The following CEP152 variants were observed in gnomAD, a reference collection of about 807,000 sequenced individuals.
The protein encoded by CEP152 is centrosomal protein of 152 kDa.
Under a neutral mutation model 188.9 loss-of-function variants are expected in CEP152, and 132 were observed. The observed-to-expected ratio is 0.70, with a 90% CI of 0.61 to 0.81. CEP152 has a LOEUF of 0.81. Among genes scored for constraint, CEP152 ranks in the 30% least tolerant of loss-of-function variants. CEP152 has a pLI of 0.00. For missense variants in CEP152, 1,914 were observed against 1,969.8 expected (o/e 0.97, Z 0.54); for synonymous variants, 649 against 666.6 (o/e 0.97, Z 0.41).
In CEP152 at chr15:48,738,447, C is replaced by G; in HGVS notation, c.4935G>C (p.Thr1645=). Residue 1645 remains threonine, a synonymous_variant, in exon 27 of 27, where the codon ACG becomes ACC. Coordinates refer to ENST00000380950, the MANE Select transcript of CEP152 (RefSeq NM_001194998.2). ...CACTGATCTTTCCTGGCTCCAAATA[C>G]GTGGTTTCTTCTGACAGGTATGGAG... The part of the protein sequence containing the change: ...YQTPYLSEET[T]YLEPGKISVN... 1 of 1,614,182 alleles carries G rather than the reference C, an allele frequency of 6.2e-7. No homozygotes were observed. The highest frequency in any genetic ancestry group is 8.5e-7 in the Non-Finnish European group (1 of 1,180,018).
At position 48,741,948 on chromosome 15, in the gene CEP152, C is replaced by T; in HGVS notation, c.3988G>A (p.Gly1330Arg). 1 of 1,614,164 alleles carries T rather than the reference C, an allele frequency of 6.2e-7. No homozygotes were observed. The highest frequency in any genetic ancestry group is 8.5e-7 in the Non-Finnish European group (1 of 1,180,012). The change falls in exon 25 of 27, where the codon GGG becomes AGG. Residue 1330 changes from glycine (G) to arginine (R), a missense_variant and splice_region_variant. Transcript: ENST00000380950. ...ACACATTGTTCAGACTGAACTCACC[C>T]TTCTTTTCCATCATCCTGCAAAATC... ...QQILQDDGKE[G>R]AEKKIMNAAS...
In CEP152 at chr15:48,772,621, C is replaced by G. The variant is rs746242658; in HGVS notation, c.1648G>C (p.Val550Leu). 4.3e-6 allele frequency: 7 copies of G among 1,614,008 alleles called. No homozygotes were observed. The highest frequency in any genetic ancestry group is 1.7e-5 in the Admixed American group (1 of 60,004). Residue 550 changes from valine to leucine, a missense_variant, in exon 13 of 27, where the codon GTA (valine) becomes CTA (leucine). By Grantham distance (32) the Val-to-Leu change is conservative. Transcript: ENST00000380950. Reference sequence around the variant, plus strand: ...GAGTTGCTACCCAGCAAACGCTGTACTTCTGCCTTTAACTTCAGAATGAAC... The same window carrying G: ...GAGTTGCTACCCAGCAAACGCTGTAGTTCTGCCTTTAACTTCAGAATGAAC... ...DEFILKLKAE[V>L]QRLLGSNSMK...
Position 48,748,486 on chromosome 15 carries a change from C to T in CEP152, c.3591G>A (p.Gln1197=), listed in dbSNP as rs1595600405. The change falls in exon 22 of 27, where the codon CAG becomes CAA. Residue 1197 remains glutamine (Q), a synonymous_variant. Transcript: ENST00000380950. ...GKLEKCCRHL[Q]HLERKHKAVV... ...CAGCTTTGTGCTTCCTTTCTAAATG[C>T]TGAAGATGCCTACAGCATTTCTCCA... The T allele has an allele frequency of 3.3e-6, 5 of 1,534,518 alleles. No individual in the cohort carries two copies. The East Asian group carries it at 1.2e-4, about 38-fold the overall frequency.
intron 21 of CEP152, among the ~76,000 whole-genome samples, chr15:48,750,747 A>G (rs1435439932): frequency 6.6e-6 from 1 of 152,214 alleles, no homozygotes; most frequent in East Asian, 1.9e-4. Flanking sequence ...TACAAAGAAT[A>G]TAGAGTATTA....
intron 2 of CEP152, among the ~76,000 whole-genome samples, chr15:48,730,763 A>G (rs1892394243): frequency 6.6e-6 from 1 of 152,230 alleles, no homozygotes; most frequent in South Asian, 2.1e-4. Flanking sequence ...TGCAAATTAA[A>G]ACAACAGTGG....
At chr15:48,770,093 T>C (rs140737940) in intron 13 of CEP152, among the ~76,000 whole-genome samples, 147 of 152,342 alleles carry the variant, frequency 9.6e-4, no homozygotes, top group African/African-American at 3.4e-3. Context: ...CTCTGAGAGT[T>C]TTCCTTATCT....
intron 2 of CEP152, among the ~76,000 whole-genome samples, chr15:48,730,485 G>A (rs1204025500): frequency 2.6e-5 from 4 of 152,152 alleles, no homozygotes; most frequent in African/African-American, 9.7e-5. Context: ...CATATGTAGG[G>A]AAAACCTAAG....
chr15:48,752,439 C>G lies in CEP152; in HGVS notation c.3376G>C (p.Ala1126Pro). The change falls in exon 21 of 27, where the codon GCC becomes CCC. Residue 1126 changes from alanine to proline, a missense_variant. Ala to Pro is a conservative substitution (Grantham distance 27). Transcript: ENST00000380950. ...RNMAELSKDSASQGTGQGDPG... is the reference protein window; with the variant it reads ...RNMAELSKDSPSQGTGQGDPG... ...TCTCCTTGGCCAGTGCCCTGGCTGG[C>G]AGAATCCTTAGAGAGCTCGGCCATA... 1.2e-6 allele frequency: 2 copies of G among 1,613,786 alleles called. No homozygotes were observed. Among genetic ancestry groups the G allele is most frequent in the Non-Finnish European group, 1.7e-6 (2 of 1,180,006 alleles).
At chr15:48,729,233 A>T (rs926650196) in intron 2 of CEP152, 3 of 152,246 alleles carry the variant, frequency 2.0e-5, no homozygotes, top group African/African-American at 7.2e-5. Context: ...GGGCAATTTG[A>T]ATATAGAATG....
At chr15:48,791,093 C>A in intron 8 of CEP152, 144 bp downstream of exon 8, 1 of 632,828 alleles carries the variant, frequency 1.6e-6, no homozygotes, top group Non-Finnish European at 2.6e-6. Context: ...AATTCTGAAG[C>A]AAACTATTGC....
At chr15:48,807,882 G>A (rs1185887750) in intron 1 of CEP152, among the ~76,000 whole-genome samples, 1 of 134,342 alleles carries the variant, frequency 7.4e-6, no homozygotes, top group Non-Finnish European at 1.6e-5. Context: ...TTCTCAGATA[G>A]AGAATACTTA....
At chr15:48,765,467 G>A (rs1894993811) in intron 17 of CEP152, among the ~76,000 whole-genome samples, 1 of 150,930 alleles carries the variant, frequency 6.6e-6, no homozygotes, top group Non-Finnish European at 1.5e-5. Flanking sequence ...TTTCTTCTTG[G>A]ACTTGTGTAC....
At chr15:48,755,015 G>A (rs1258676956) in intron 20 of CEP152, among the ~76,000 whole-genome samples, 1 of 147,290 alleles carries the variant, frequency 6.8e-6, no homozygotes, top group African/African-American at 2.5e-5. Context: ...TTATAATACT[G>A]GCTTTTTTTT....
At position 48,738,464 on chromosome 15, in the gene CEP152, G is replaced by A; in HGVS notation, c.4918C>T (p.Leu1640=). Residue 1640 remains leucine, a synonymous_variant, in exon 27 of 27, where the codon CTG becomes TTG. Coordinates refer to ENST00000380950, the MANE Select transcript of CEP152 (RefSeq NM_001194998.2). ...MKCQRYQTPY[L]SEETTYLEPG... is the part of the protein sequence containing the mutation. ...TCCAAATACGTGGTTTCTTCTGACAGGTATGGAGTTTGATAACGCTGACAT... is the reference window on the plus strand; with the variant it reads ...TCCAAATACGTGGTTTCTTCTGACAAGTATGGAGTTTGATAACGCTGACAT... 6.2e-7 allele frequency: 1 copy of A among 1,614,186 alleles called. No homozygotes were observed. The highest frequency in any genetic ancestry group is 8.5e-7 in the Non-Finnish European group (1 of 1,180,016).
At chr15:48,788,426 C>T (rs1208124785) in intron 9 of CEP152, among the ~76,000 whole-genome samples, 6 of 148,456 alleles carry the variant, frequency 4.0e-5, no homozygotes, top group African/African-American at 5.0e-5. Flanking sequence ...CTCTGCCTCC[C>T]GGGTTCAAGC....
chr15:48,738,539 C>T lies in CEP152; in HGVS notation c.4843G>A (p.Gly1615Ser), dbSNP rs762169861. Residue 1615 changes from glycine (G) to serine (S), a missense_variant, in exon 27 of 27, where the codon GGT becomes AGT. Gly to Ser is a moderately conservative substitution (Grantham distance 56, BLOSUM62 0). Transcript: ENST00000380950. ...SVKSKQFSPS[G>S]YLSDTEESNM... ...CTTTCCTCTGTATCTGAAAGATAAC[C>T]GGATGGTGAAAACTGTTTGGATTTA... 42 of 1,614,004 alleles carry T rather than the reference C, an allele frequency of 2.6e-5. No individual in the cohort carries two copies. Among genetic ancestry groups the T allele is most frequent in the Middle Eastern group, 1.6e-4 (1 of 6,084 alleles).
At chr15:48,794,257 G>A (rs545640124) in intron 6 of CEP152, among the ~76,000 whole-genome samples, 291 of 151,740 alleles carry the variant, frequency 1.9e-3, no homozygotes, top group African/African-American at 6.9e-3. Flanking sequence ...ACTTTAAAAA[G>A]AGAAAAAAAA....
intron 6 of CEP152, 53 bp from the exon 7 acceptor site, chr15:48,793,514 T>C (rs1026172531): frequency 2.6e-6 from 4 of 1,523,312 alleles, no homozygotes; most frequent in South Asian, 1.1e-5. Context: ...TATAAATTTA[T>C]AGTCATTTAA....
Position 48,744,295 on chromosome 15 carries a change from C to G in CEP152, c.3780G>C (p.Gly1260=), listed in dbSNP as rs199777941. 252 of 1,613,852 alleles carry G rather than the reference C, an allele frequency of 1.6e-4. No individual in the cohort carries two copies. The highest frequency in any genetic ancestry group is 3.6e-5 in the Non-Finnish European group (43 of 1,179,964). The change falls in exon 24 of 27, where the codon GGG becomes GGC. Residue 1260 remains glycine, a synonymous_variant. Transcript: ENST00000380950. ...GCCCACGAAGTTCTTCCAAGGCTCC[C>G]CCACTGCATGGCAGGCAAGCATTTT... ...AIENACLPCS[G]GALEELRGQY...
Sources: gnomAD v4.1 joint callset for allele counts (sites outside exome capture counted in the v4.1 genomes callset) on GRCh38, gnomAD v4.1.1 for gene constraint, MANE v1.5 for transcripts, NCBI Gene and HGNC (gene_info 2026-07-23, HGNC 2026-07-21) for gene names.